SVEP1: variants seen among roughly 807,000 people sequenced by gnomAD.
The protein encoded by SVEP1 is sushi, von Willebrand factor type A, EGF and pentraxin domain-containing protein 1.
SVEP1 carries 164 observed loss-of-function variants against 367.3 expected under a neutral mutation model. The ratio of observed to expected loss-of-function variants is 0.45; its 90% CI spans 0.39 to 0.51. The LOEUF is 0.51. Among genes scored for constraint, SVEP1 ranks in the 20% least tolerant of loss-of-function variants. The pLI is 0.00. For missense variants in SVEP1, 4,117 were observed against 4,425.3 expected (o/e 0.93, Z 1.98); for synonymous variants, 1,666 against 1,611.6 (o/e 1.03, Z -0.81).
At chr9:110,394,117 G>T (rs540031762) in intron 40 of SVEP1, among the ~76,000 whole-genome samples, 23 of 152,026 alleles carry the variant, frequency 1.5e-4, no homozygotes, top group Non-Finnish European at 2.9e-5. Flanking sequence ...CAGTAGGGGC[G>T]GACTGACACC....
chr9:110,380,889 G>A (rs1409420407), intron 43 of SVEP1, among the ~76,000 whole-genome samples: 1 of 152,122 alleles, frequency 6.6e-6, no homozygotes, highest in Non-Finnish European at 1.5e-5. Flanking sequence ...TCTATTCAGG[G>A]ATTCAGCTTT....
chr9:110,451,068 T>A (rs1828685779), intron 23 of SVEP1, among the ~76,000 whole-genome samples: 1 of 152,156 alleles, frequency 6.6e-6, no homozygotes, highest in Non-Finnish European at 1.5e-5. Flanking sequence ...ACACAAATTA[T>A]TTTTTGCTGA....
chr9:110,378,761 T>TGGGGTGG (rs1325563952), intron 44 of SVEP1, among the ~76,000 whole-genome samples: 15 of 60,374 alleles, frequency 2.5e-4, no homozygotes, highest in Non-Finnish European at 4.0e-4. Context: ...GGGACTGTTG[T>TGGGGTGG]GGGGTGGGGG....
At chr9:110,428,529 A>G (rs949408706) in intron 35 of SVEP1, among the ~76,000 whole-genome samples, 2 of 152,148 alleles carry the variant, frequency 1.3e-5, no homozygotes, top group Non-Finnish European at 2.9e-5. Flanking sequence ...GCTGTTTATA[A>G]AGAAATCCAT....
chr9:110,429,305 T>C lies in SVEP1; in HGVS notation c.5645A>G (p.Asp1882Gly), dbSNP rs1362917846. ...RCNKGYTLAG[D>G]KESSCLANSS... is the part of the protein sequence containing the mutation. ...GTTAGCAAGACAGGATGATTCTTTATCACCGGCCAGAGTATATCCTTTATT... is the reference window on the plus strand; with the variant it reads ...GTTAGCAAGACAGGATGATTCTTTACCACCGGCCAGAGTATATCCTTTATT... The change falls in exon 35 of 48, where the codon GAT becomes GGT. Residue 1882 changes from aspartate to glycine, a missense_variant. Coordinates refer to ENST00000374469, the MANE Select transcript of SVEP1 (RefSeq NM_153366.4). 6.3e-7 allele frequency: 1 copy of C among 1,586,722 alleles called. No individual in the cohort carries two copies. The highest frequency in any genetic ancestry group is 8.6e-7 in the Non-Finnish European group (1 of 1,166,308).
intron 5 of SVEP1, among the ~76,000 whole-genome samples, chr9:110,511,014 T>G (rs1829702491): frequency 6.6e-6 from 1 of 152,176 alleles, no homozygotes; most frequent in Non-Finnish European, 1.5e-5. Context: ...AACACAGTCT[T>G]ATTTTCTAAC....
chr9:110,432,180 C>A, intron 31 of SVEP1, 146 bp from the exon 32 acceptor site: 1 of 1,045,612 alleles, frequency 9.6e-7, no homozygotes, highest in Non-Finnish European at 1.3e-6. Context: ...CAGTCATAAT[C>A]ACATTGCAGA....
chr9:110,494,996 C>G (rs1588080464), intron 8 of SVEP1, among the ~76,000 whole-genome samples: 1 of 152,182 alleles, frequency 6.6e-6, no homozygotes, highest in East Asian at 1.9e-4. Context: ...TCTGTTCACT[C>G]TCCTTCTCAG....
chr9:110,481,442 T>TA lies in SVEP1; in HGVS notation c.2171-7dup, dbSNP rs752754388. On this transcript the variant is annotated splice_polypyrimidine_tract_variant and splice_region_variant and intron_variant, in intron 11 of 47. Transcript: ENST00000374469. Reference sequence around the variant, plus strand: ...TGGAATTTCACAGGGAGAACCTGTGTAAAAAAAATTGTACTATTCATATAT... The same window carrying TA: ...TGGAATTTCACAGGGAGAACCTGTGTAAAAAAAAATTGTACTATTCATATAT... The TA allele has an allele frequency of 7.7e-5, 119 of 1,551,574 alleles. No homozygotes were observed. Among genetic ancestry groups the TA allele is most frequent in the African/African-American group, 1.8e-4 (13 of 72,504 alleles).
intron 1 of SVEP1, among the ~76,000 whole-genome samples, chr9:110,563,805 T>C (rs1830457329): frequency 6.6e-6 from 1 of 152,176 alleles, no homozygotes; most frequent in Non-Finnish European, 1.5e-5. Context: ...CCACTTCTCT[T>C]TGTATATCTT....
At chr9:110,458,054 C>T (rs192042300) in intron 20 of SVEP1, 1 of 449,428 alleles carries the variant, frequency 2.2e-6, no homozygotes, top group South Asian at 1.6e-5. Context: ...ATACTTTTCC[C>T]CAAGAAATCT....
At chr9:110,456,475 C>T (rs968331296) in intron 21 of SVEP1, among the ~76,000 whole-genome samples, 4 of 152,016 alleles carry the variant, frequency 2.6e-5, no homozygotes, top group South Asian at 2.1e-4. Context: ...CACACATGCA[C>T]ACAACACGAG....
chr9:110,405,412 A>G (rs1226917594), intron 38 of SVEP1, among the ~76,000 whole-genome samples: 1 of 151,706 alleles, frequency 6.6e-6, no homozygotes, highest in Non-Finnish European at 1.5e-5. Flanking sequence ...GTAGGAATAC[A>G]GCATAATTCA....
chr9:110,432,057 A>G (rs1828358532), intron 31 of SVEP1, 23 bp from the exon 32 acceptor site: 6 of 1,572,078 alleles, frequency 3.8e-6, no homozygotes, highest in Non-Finnish European at 5.2e-6. Flanking sequence ...CAGCTTATAA[A>G]TATTAAAGTT....
rs185756918 is a variant in SVEP1, at chr9:110,570,903, G to A, written c.531+8110C>T. On this transcript the variant is annotated intron_variant, in intron 1 of 47. Coordinates refer to ENST00000374469, the MANE Select transcript of SVEP1 (RefSeq NM_153366.4). ...TCCTGGCCAGGCCAGTGGCATTTGA[G>A]GAAGAAATGGAATAGGATTTCTTGA... Among the ~76,000 whole-genome samples the A allele has an allele frequency of 1.7e-3, 262 of 151,870 alleles. 2 individuals are homozygous for A. The highest frequency in any genetic ancestry group is 6.0e-3 in the African/African-American group (250 of 41,390).
chr9:110,560,576 C>T (rs898243373), intron 1 of SVEP1, among the ~76,000 whole-genome samples: 1 of 152,166 alleles, frequency 6.6e-6, no homozygotes, highest in Non-Finnish European at 1.5e-5. Flanking sequence ...TCTTCAACTT[C>T]CAACGTGAAG....
chr9:110,431,574 A>G (rs1014633723), intron 32 of SVEP1, among the ~76,000 whole-genome samples: 1 of 152,156 alleles, frequency 6.6e-6, no homozygotes, highest in African/African-American at 2.4e-5. Flanking sequence ...AGATGTGATA[A>G]AGCATCTTCC....
At chr9:110,484,826 T>C (rs773890587) in intron 9 of SVEP1, among the ~76,000 whole-genome samples, 1 of 151,510 alleles carries the variant, frequency 6.6e-6, no homozygotes, top group Non-Finnish European at 1.5e-5. Flanking sequence ...AACAAACATA[T>C]GAAAAAAAGC....
intron 8 of SVEP1, among the ~76,000 whole-genome samples, chr9:110,492,698 G>T (rs1829387169): frequency 6.6e-6 from 1 of 152,024 alleles, no homozygotes; most frequent in Non-Finnish European, 1.5e-5. Flanking sequence ...GCAAGGAATG[G>T]GGAGGAATAC....
Sources: gnomAD v4.1 joint callset for allele counts (sites outside exome capture counted in the v4.1 genomes callset) on GRCh38, gnomAD v4.1.1 for gene constraint, MANE v1.5 for transcripts, NCBI Gene and HGNC (gene_info 2026-07-23, HGNC 2026-07-21) for gene names.